CALCRL: variants seen among roughly 807,000 people sequenced by gnomAD.
CALCRL encodes the protein calcitonin receptor like receptor.
A neutral mutation model predicts 60.4 loss-of-function variants in CALCRL; 27 were observed. The observed-to-expected ratio is 0.45, with a 90% CI of 0.33 to 0.62. The LOEUF (loss-of-function observed/expected upper bound fraction) is 0.62, where lower values mean the gene tolerates loss of function less well. CALCRL is among the 20% of genes least tolerant of loss of function. CALCRL has a pLI of 0.03. For missense variants in CALCRL, 424 were observed against 540.7 expected, an observed-to-expected ratio of 0.78 and a Z score of 2.14; for synonymous variants, 190 against 182.6, an observed-to-expected ratio of 1.04 and a Z score of -0.33.
chr2:187,383,092 A>G lies in CALCRL; in HGVS notation c.184+81T>C, dbSNP rs537458980. On this transcript the variant is annotated intron_variant, in intron 5 of 14. Coordinates refer to ENST00000392370, the MANE Select transcript of CALCRL (RefSeq NM_005795.6). Reference sequence around the variant, plus strand: ...CAATCTATTTTTAATAATGGACCTAAAGCACTTATAATGATATAATGGGAG... The same window carrying G: ...CAATCTATTTTTAATAATGGACCTAGAGCACTTATAATGATATAATGGGAG... The G allele has an allele frequency of 3.4e-5, 46 of 1,367,522 alleles. 1 individual carries two copies. The South Asian group carries it at 5.5e-4, about 16-fold the overall frequency. 84.7% of individuals were successfully genotyped at this position (1,367,522 alleles called of 1,614,324 possible). A position where few individuals can be genotyped will look rare whatever the true frequency, so the allele number is the denominator to read the frequency against.
intron 1 of CALCRL, among the ~76,000 whole-genome samples, chr2:187,426,390 G>T (rs1056884123): frequency 6.6e-6 from 1 of 151,786 alleles, no homozygotes; most frequent in Non-Finnish European, 1.5e-5. Flanking sequence ...TGTCCAAATG[G>T]CGGCAAATGA....
At chr2:187,382,738 T>G (rs561389447) in intron 5 of CALCRL, among the ~76,000 whole-genome samples, 1 of 152,218 alleles carries the variant, frequency 6.6e-6, no homozygotes, top group South Asian at 2.1e-4. Flanking sequence ...TTCATTAACT[T>G]TGCCACCAAA....
At chr2:187,418,941 C>A (rs181835275) in intron 1 of CALCRL, among the ~76,000 whole-genome samples, 1 of 149,176 alleles carries the variant, frequency 6.7e-6, no homozygotes, top group African/African-American at 2.5e-5. Context: ...CTGCAACCTC[C>A]GCCTCCCAGG....
intron 1 of CALCRL, among the ~76,000 whole-genome samples, chr2:187,425,658 G>C (rs1211485157): frequency 6.6e-6 from 1 of 151,930 alleles, no homozygotes; most frequent in Admixed American, 6.6e-5. Flanking sequence ...CATATTTATT[G>C]ATAAACGTAT....
At chr2:187,418,859 C>CTTTTTTT (rs369436031) in intron 1 of CALCRL, among the ~76,000 whole-genome samples, 4 of 120,002 alleles carry the variant, frequency 3.3e-5, no homozygotes, top group Admixed American at 8.7e-5. Flanking sequence ...TTCTTTTTTT[C>CTTTTTTT]TTTTTTTTTT....
chr2:187,360,790 T>G (rs1687023041), intron 9 of CALCRL, 39 bp from the exon 10 acceptor site: 1 of 1,566,480 alleles, frequency 6.4e-7, no homozygotes, highest in African/African-American at 1.4e-5. Flanking sequence ...TACTTGTTTA[T>G]GAATTCACAT....
In CALCRL at chr2:187,359,279, T is replaced by TA; in HGVS notation, c.782-8dup. ...GCAGGAATCAGTGGAAATCCTGTAA[T>TA]AACAAAAAAAAAAGAAAATAAATAG... On this transcript the variant is annotated splice_polypyrimidine_tract_variant and splice_region_variant and intron_variant, in intron 10 of 14. Coordinates refer to ENST00000392370, the MANE Select transcript of CALCRL (RefSeq NM_005795.6). 6.7e-6 allele frequency: 10 copies of TA among 1,489,222 alleles called. No individual in the cohort carries two copies. The highest frequency in any genetic ancestry group is 2.5e-5 in the East Asian group (1 of 40,136). The allele number at this position is 1,489,222 out of a possible 1,614,324, so 92.3% of individuals were successfully genotyped here.
At chr2:187,415,298 GT>G (rs1274853007) in intron 1 of CALCRL, among the ~76,000 whole-genome samples, 1 of 152,114 alleles carries the variant, frequency 6.6e-6, no homozygotes, top group Non-Finnish European at 1.5e-5. Flanking sequence ...ATGAAAACGG[GT>G]TTTGAAAGAA....
intron 1 of CALCRL, among the ~76,000 whole-genome samples, chr2:187,402,471 G>C (rs1688933601): frequency 6.6e-6 from 1 of 151,472 alleles, no homozygotes; most frequent in Admixed American, 6.6e-5. Flanking sequence ...TCTACGTAGA[G>C]AATATGATAC....
chr2:187,347,359 G>A (rs1686326879), intron 14 of CALCRL, among the ~76,000 whole-genome samples: 1 of 151,772 alleles, frequency 6.6e-6, no homozygotes, highest in Admixed American at 6.6e-5. Flanking sequence ...ATCTATATCT[G>A]CCCAGAGTGG....
intron 1 of CALCRL, among the ~76,000 whole-genome samples, chr2:187,423,200 C>T (rs1008836479): frequency 6.6e-6 from 1 of 152,024 alleles, no homozygotes; most frequent in African/African-American, 2.4e-5. Context: ...CCTTTCCCAA[C>T]AGTCACTTCA....
chr2:187,421,650 G>A (rs962973338), intron 1 of CALCRL, among the ~76,000 whole-genome samples: 2 of 152,176 alleles, frequency 1.3e-5, no homozygotes. Context: ...TGCACAACTG[G>A]TGAAAAATGG....
In CALCRL at chr2:187,387,508, A is replaced by G. The variant is rs1272128540; in HGVS notation, c.-201-15T>C. 1 of 330,442 alleles carries G rather than the reference A, an allele frequency of 3.0e-6. No homozygotes were observed. Among genetic ancestry groups the G allele is most frequent in the Non-Finnish European group, 5.4e-6 (1 of 185,138 alleles). 20.5% of individuals were successfully genotyped at this position (330,442 alleles called of 1,614,324 possible). A position where few individuals can be genotyped will look rare whatever the true frequency, so the allele number is the denominator to read the frequency against. ...TATTAGACGATCTTGAGAAAAATAT[A>G]ACCAAAATACCATGAATCATTGTAT... On this transcript the variant is annotated splice_polypyrimidine_tract_variant and intron_variant, in intron 2 of 14. Transcript: ENST00000392370.
intron 8 of CALCRL, among the ~76,000 whole-genome samples, chr2:187,366,891 C>CCAAAAA (rs1687317767): frequency 7.0e-6 from 1 of 143,180 alleles, no homozygotes; most frequent in African/African-American, 2.6e-5. Context: ...ATATTATCTT[C>CCAAAAA]CAAAAATGTC....
At chr2:187,395,087 A>G (rs970251947) in intron 1 of CALCRL, among the ~76,000 whole-genome samples, 1 of 152,066 alleles carries the variant, frequency 6.6e-6, no homozygotes, top group Non-Finnish European at 1.5e-5. Flanking sequence ...TAGTCATGGC[A>G]GTAATCATGT....
chr2:187,399,641 T>C (rs1308130003), intron 1 of CALCRL, among the ~76,000 whole-genome samples: 1 of 151,322 alleles, frequency 6.6e-6, no homozygotes, highest in African/African-American at 2.4e-5. Context: ...AGCTTACTGC[T>C]CAATAATAAA....
chr2:187,379,926 C>A (rs1687917039), intron 7 of CALCRL, among the ~76,000 whole-genome samples: 1 of 152,200 alleles, frequency 6.6e-6, no homozygotes, highest in African/African-American at 2.4e-5. Context: ...ATTACAAACA[C>A]ATGCAAATAC....
chr2:187,433,022 ACAAACTTGC>A (rs1164663074), intron 1 of CALCRL, among the ~76,000 whole-genome samples: 1 of 152,094 alleles, frequency 6.6e-6, no homozygotes, highest in Admixed American at 6.6e-5. Context: ...TCGCACAATG[ACAAACTTGC>A]CTAATGACAC....
chr2:187,436,146 C>T (rs191603150), intron 1 of CALCRL, among the ~76,000 whole-genome samples: 11 of 152,136 alleles, frequency 7.2e-5, no homozygotes, highest in Admixed American at 4.6e-4. Context: ...TTTAAACATG[C>T]GTCCTACTTA....
Sources: gnomAD v4.1 joint callset for allele counts (sites outside exome capture counted in the v4.1 genomes callset) on GRCh38, gnomAD v4.1.1 for gene constraint, MANE v1.5 for transcripts, NCBI Gene and HGNC (gene_info 2026-07-23, HGNC 2026-07-21) for gene names.